The following DLG2 variants were observed in gnomAD, a reference collection of about 807,000 sequenced individuals.
The protein encoded by DLG2 is discs large MAGUK scaffold protein 2, also known as disks large homolog 2.
DLG2 carries 45 observed loss-of-function variants against 132.5 expected under a neutral mutation model. The observed-to-expected ratio is 0.34, with a 90% confidence interval of 0.27 to 0.44. DLG2 has a LOEUF of 0.44. Ranked by LOEUF, DLG2 falls within the 20% of genes least tolerant of loss-of-function variation. The pLI is 1.00. For synonymous variants in DLG2, 424 were observed against 419.6 expected (o/e 1.01, Z -0.13); for missense variants, 1,045 against 1,196.9 (o/e 0.87, Z 1.87).
Position 84,886,020 on chromosome 11 carries a change from G to C in DLG2, c.357+225641C>G, listed in dbSNP as rs554631058. ...AGATTTAAAGATTAGTTAAGACAGG[G>C]ATCTTGTTTCCATGGGGCTTACAAT... On this transcript the variant is annotated intron_variant, in intron 6 of 27. Coordinates refer to ENST00000376104, the MANE Select transcript of DLG2 (RefSeq NM_001142699.3). Among the ~76,000 whole-genome samples, 29 of 152,156 alleles carry C rather than the reference G, an allele frequency of 1.9e-4. 2 individuals are homozygous for C. In the South Asian group the frequency reaches 5.6e-3, roughly 29 times the overall value.
At chr11:85,191,143 TGCGC>T (rs201015532) in intron 4 of DLG2, among the ~76,000 whole-genome samples, 22 of 141,312 alleles carry the variant, frequency 1.6e-4, no homozygotes, top group African/African-American at 2.2e-4. Context: ...TCTATATGCA[TGCGC>T]GCGCGCGCAC....
At chr11:84,330,814 T>A (rs551677474) in intron 7 of DLG2, among the ~76,000 whole-genome samples, 4 of 152,180 alleles carry the variant, frequency 2.6e-5, no homozygotes, top group Non-Finnish European at 5.9e-5. Flanking sequence ...CTCAGTACAT[T>A]CCCCTTATTT....
intron 18 of DLG2, among the ~76,000 whole-genome samples, chr11:83,753,844 CAT>C (rs1183117288): frequency 2.9e-3 from 25 of 8,732 alleles, no homozygotes; most frequent in African/African-American, 0.011. Context: ...TGATATATAT[CAT>C]ATATATCATA....
At chr11:83,975,392 G>C (rs2092044462) in intron 12 of DLG2, among the ~76,000 whole-genome samples, 1 of 151,880 alleles carries the variant, frequency 6.6e-6, no homozygotes, top group African/African-American at 2.4e-5. Flanking sequence ...TAAATTCTAA[G>C]TGACAAAGGA....
intron 10 of DLG2, among the ~76,000 whole-genome samples, chr11:84,066,633 C>G (rs530993462): frequency 6.6e-6 from 1 of 152,030 alleles, no homozygotes; most frequent in African/African-American, 2.4e-5. Context: ...TGGTGGCAGG[C>G]GCCTGTAATC....
intron 8 of DLG2, among the ~76,000 whole-genome samples, chr11:84,188,292 A>T (rs2096324914): frequency 6.6e-6 from 1 of 152,152 alleles, no homozygotes; most frequent in Admixed American, 6.6e-5. Flanking sequence ...TTAGGAAACT[A>T]ACAATTTGGA....
intron 6 of DLG2, among the ~76,000 whole-genome samples, chr11:85,070,854 A>T (rs2065754935): frequency 6.6e-6 from 1 of 151,846 alleles, no homozygotes; most frequent in Non-Finnish European, 1.5e-5. Flanking sequence ...AAATGTCTAT[A>T]ATGTTACAAC....
chr11:83,578,174 A>G (rs1408248685), intron 19 of DLG2, among the ~76,000 whole-genome samples: 1 of 150,808 alleles, frequency 6.6e-6, no homozygotes, highest in African/African-American at 2.4e-5. Context: ...GCGGTACATG[A>G]AGTATTATAA....
chr11:85,123,877 A>G (rs1230916347), intron 5 of DLG2, among the ~76,000 whole-genome samples: 1 of 151,990 alleles, frequency 6.6e-6, no homozygotes, highest in East Asian at 1.9e-4. Flanking sequence ...GCACAAATGG[A>G]AGAAGAAGCT....
At chr11:85,355,971 C>T (rs976275667) in intron 3 of DLG2, among the ~76,000 whole-genome samples, 1 of 152,196 alleles carries the variant, frequency 6.6e-6, no homozygotes, top group African/African-American at 2.4e-5. Context: ...ATCCATCTTG[C>T]ACAGATCACC....
chr11:84,034,391 T>C (rs1249506989), intron 11 of DLG2, among the ~76,000 whole-genome samples: 2 of 152,186 alleles, frequency 1.3e-5, no homozygotes, highest in Admixed American at 6.5e-5. Flanking sequence ...AAAAATAAAT[T>C]ATGTGACTTG....
chr11:84,442,464 T>C (rs2099020123), intron 7 of DLG2, among the ~76,000 whole-genome samples: 1 of 151,852 alleles, frequency 6.6e-6, no homozygotes, highest in Non-Finnish European at 1.5e-5. Flanking sequence ...CACTCATAAG[T>C]GGGAGTTGAA....
chr11:84,749,041 A>T (rs2065762060), intron 6 of DLG2, among the ~76,000 whole-genome samples: 1 of 152,182 alleles, frequency 6.6e-6, no homozygotes, highest in Non-Finnish European at 1.5e-5. Context: ...AACTAAACAA[A>T]TAAATGGAAG....
intron 12 of DLG2, among the ~76,000 whole-genome samples, chr11:83,966,272 T>A (rs753693976): frequency 6.6e-6 from 1 of 152,034 alleles, no homozygotes; most frequent in Non-Finnish European, 1.5e-5. Flanking sequence ...CTCATTTCCT[T>A]ATAGCTTCGC....
chr11:85,584,475 G>C (rs1483487804), intron 3 of DLG2, among the ~76,000 whole-genome samples: 1 of 152,042 alleles, frequency 6.6e-6, no homozygotes, highest in Non-Finnish European at 1.5e-5. Flanking sequence ...ACATGCATGT[G>C]CAAGTGTCTT....
At chr11:84,056,117 T>C (rs1566254052) in intron 11 of DLG2, among the ~76,000 whole-genome samples, 1 of 152,096 alleles carries the variant, frequency 6.6e-6, no homozygotes, top group Non-Finnish European at 1.5e-5. Context: ...GCAGGTTTGT[T>C]ACATAGATAT....
At chr11:85,063,787 G>A (rs991823919) in intron 6 of DLG2, among the ~76,000 whole-genome samples, 1 of 151,796 alleles carries the variant, frequency 6.6e-6, no homozygotes. Flanking sequence ...AAGAAGCAAT[G>A]ATTTGTAGTA....
At position 84,511,399 on chromosome 11, in the gene DLG2, C is replaced by T. The variant is rs886184761; in HGVS notation, c.519+23171G>A. On this transcript the variant is annotated intron_variant, in intron 7 of 27. Transcript: ENST00000376104. ...GTTGAAATGGCAACTTTTCTTTGGA[C>T]CACAAATTGAATGAATATCTTCTTC... 1.8e-4 allele frequency among the ~76,000 whole-genome samples: 27 copies of T among 152,020 alleles called. 1 individual carries two copies. Among genetic ancestry groups the T allele is most frequent in the East Asian group, 5.8e-4 (3 of 5,184 alleles).
At chr11:85,578,877 C>G (rs1348773861) in intron 3 of DLG2, among the ~76,000 whole-genome samples, 1 of 152,198 alleles carries the variant, frequency 6.6e-6, no homozygotes, top group Admixed American at 6.5e-5. Flanking sequence ...AATCTCATTA[C>G]TGGGTATATA....
Sources: allele counts gnomAD v4.1 joint callset (sites outside exome capture counted in the v4.1 genomes callset), GRCh38; gene constraint gnomAD v4.1.1; transcripts MANE v1.5; gene names NCBI Gene and HGNC (gene_info 2026-07-23, HGNC 2026-07-21).